The following ADAM12 variants were observed in gnomAD, a reference collection of about 807,000 sequenced individuals.
ADAM12 encodes disintegrin and metalloproteinase domain-containing protein 12.
ADAM12 carries 70 observed loss-of-function variants against 106.4 expected under a neutral mutation model. The ratio of observed to expected loss-of-function variants is 0.66; its 90% confidence interval spans 0.54 to 0.80. The LOEUF is 0.80. Ranked by LOEUF, ADAM12 falls within the 30% of genes least tolerant of loss-of-function variation. The pLI, the probability that ADAM12 is intolerant of heterozygous loss-of-function variation, is 0.00. For missense variants in ADAM12, 1,010 were observed against 1,171.9 expected (o/e 0.86, Z 2.02); for synonymous variants, 420 against 433.5 (o/e 0.97, Z 0.39).
intron 14 of ADAM12, among the ~76,000 whole-genome samples, chr10:126,060,775 A>AT (rs1954737738): frequency 2.0e-5 from 3 of 152,228 alleles, no homozygotes; most frequent in African/African-American, 7.2e-5. Context: ...TGAAGGATTC[A>AT]CATCCGCCCT....
chr10:126,344,840 A>G (rs900435059), intron 1 of ADAM12, among the ~76,000 whole-genome samples: 13 of 152,270 alleles, frequency 8.5e-5, no homozygotes, highest in East Asian at 3.9e-4. Flanking sequence ...TTATTGGTGT[A>G]TAAGAATGCT....
intron 3 of ADAM12, among the ~76,000 whole-genome samples, chr10:126,241,353 C>A (rs984024413): frequency 2.6e-5 from 4 of 152,142 alleles, no homozygotes; most frequent in African/African-American, 9.7e-5. Flanking sequence ...TGAAACTGTA[C>A]CCTTTAAAAT....
At chr10:126,222,827 T>C (rs1430488085) in intron 3 of ADAM12, among the ~76,000 whole-genome samples, 2 of 152,182 alleles carry the variant, frequency 1.3e-5, no homozygotes, top group Non-Finnish European at 2.9e-5. Context: ...TCTTCCTGGC[T>C]CCATATACTC....
At chr10:126,054,821 C>A (rs1255006993) in intron 14 of ADAM12, among the ~76,000 whole-genome samples, 2 of 152,064 alleles carry the variant, frequency 1.3e-5, no homozygotes, top group South Asian at 4.1e-4. Flanking sequence ...ATGAAGACCA[C>A]CTTGGACTGT....
intron 1 of ADAM12, among the ~76,000 whole-genome samples, chr10:126,367,375 G>A (rs1230595795): frequency 6.6e-6 from 1 of 151,700 alleles, no homozygotes; most frequent in East Asian, 1.9e-4. Flanking sequence ...TGACGATAAT[G>A]AAAAAATAAC....
chr10:126,170,464 G>A (rs576157520), intron 3 of ADAM12, among the ~76,000 whole-genome samples: 10 of 151,332 alleles, frequency 6.6e-5, no homozygotes, highest in Non-Finnish European at 8.8e-5. Flanking sequence ...GTCCCTGTGT[G>A]TGAACCCAGG....
intron 3 of ADAM12, among the ~76,000 whole-genome samples, chr10:126,271,506 C>A (rs1026132853): frequency 2.6e-5 from 4 of 152,220 alleles, no homozygotes; most frequent in African/African-American, 9.6e-5. Flanking sequence ...TGGTGGAGAG[C>A]AGTAGCTCAT....
At chr10:126,248,758 T>G (rs535037570) in intron 3 of ADAM12, among the ~76,000 whole-genome samples, 2 of 152,160 alleles carry the variant, frequency 1.3e-5, no homozygotes, top group East Asian at 3.9e-4. Flanking sequence ...CAGGCTGAAG[T>G]GCAGTGGTGC....
Position 126,064,819 on chromosome 10 carries a change from C to T in ADAM12, c.1596G>A (p.Thr532=), listed in dbSNP as rs2279091. 167,183 of 1,605,642 alleles carry T rather than the reference C, an allele frequency of 0.1. 9,027 individuals carry two copies. Among genetic ancestry groups the T allele is most frequent in the Middle Eastern group, 0.13 (772 of 5,736 alleles). ...ICQTHEQQCV[T]LWGPGAKPAP... is the part of the protein sequence containing the mutation. The stretch of plus-strand genomic sequence containing the variant: ...GCGGCCACGTACCTGGTCCCCAGAG[C>T]GTGACACACTGCTGCTCGTGAGTCT... Residue 532 remains threonine, a synonymous_variant, in exon 14 of 23, where the codon ACG becomes ACA. Transcript: ENST00000448723. This position sits in a 1 kb window ranked among gnomAD's most constrained non-coding sequence, Gnocchi z 4.4.
At chr10:126,065,845 C>T (rs966118443) in intron 13 of ADAM12, among the ~76,000 whole-genome samples, 2 of 152,186 alleles carry the variant, frequency 1.3e-5, no homozygotes, top group Non-Finnish European at 2.9e-5. Context: ...AGACTTGCTT[C>T]CCCCTTCCCC....
chr10:126,062,024 G>A (rs1954766757), intron 14 of ADAM12, among the ~76,000 whole-genome samples: 1 of 152,104 alleles, frequency 6.6e-6, no homozygotes, highest in Non-Finnish European at 1.5e-5. Context: ...TGGCATCAAG[G>A]GCCACAGTGG....
chr10:126,047,905 A>G (rs567230016), intron 16 of ADAM12, among the ~76,000 whole-genome samples: 112 of 152,358 alleles, frequency 7.4e-4, no homozygotes, highest in African/African-American at 2.5e-3. Flanking sequence ...ACGTCCATCA[A>G]TGATAGACTG....
chr10:126,369,242 C>G (rs1014166652), intron 1 of ADAM12, among the ~76,000 whole-genome samples: 1 of 152,096 alleles, frequency 6.6e-6, no homozygotes, highest in Non-Finnish European at 1.5e-5. Context: ...AAGCAGCACA[C>G]CAAGTGGGAC....
At chr10:126,170,986 G>A (rs1241149773) in intron 3 of ADAM12, among the ~76,000 whole-genome samples, 1 of 152,176 alleles carries the variant, frequency 6.6e-6, no homozygotes, top group Non-Finnish European at 1.5e-5. Context: ...GCCATTCATT[G>A]ATGGATTTCT....
Position 126,015,293 on chromosome 10 carries a change from G to A in ADAM12, c.*1986C>T, listed in dbSNP as rs1466284454. ...CTCAGTTCATATCCTCTTATAATTG[G>A]AGGAAGGGCTAACATGCCAGATCTA... On this transcript the variant is annotated 3_prime_UTR_variant, in exon 23 of 23. Transcript: ENST00000448723. 1 of 152,186 alleles carries A rather than the reference G, an allele frequency of 6.6e-6. No homozygotes were observed. Among genetic ancestry groups the A allele is most frequent in the African/African-American group, 2.4e-5 (1 of 41,442 alleles). The allele number at this position is 152,186 out of a possible 1,614,324, so 9.4% of individuals were successfully genotyped here.
At chr10:126,325,833 C>A (rs887312088) in intron 2 of ADAM12, among the ~76,000 whole-genome samples, 2 of 152,132 alleles carry the variant, frequency 1.3e-5, no homozygotes, top group Non-Finnish European at 2.9e-5. Context: ...AAGTTTCTAG[C>A]GTATTTTACA....
chr10:126,085,209 G>T (rs1484198042), intron 11 of ADAM12, among the ~76,000 whole-genome samples: 5 of 151,936 alleles, frequency 3.3e-5, no homozygotes, highest in Admixed American at 2.6e-4. Context: ...TATTTATCTG[G>T]GTTTTCTCTG....
At chr10:126,045,380 G>A (rs761516433) in intron 17 of ADAM12, among the ~76,000 whole-genome samples, 3 of 151,972 alleles carry the variant, frequency 2.0e-5, no homozygotes, top group Non-Finnish European at 2.9e-5. Flanking sequence ...CCATGCACCC[G>A]GTAATTCTGT....
chr10:126,251,154 C>A (rs955794627), intron 3 of ADAM12, among the ~76,000 whole-genome samples: 2 of 152,222 alleles, frequency 1.3e-5, no homozygotes, highest in African/African-American at 4.8e-5. Flanking sequence ...CCTTGGCAGA[C>A]CCTGCTGAGC....
Sources: allele counts gnomAD v4.1 joint callset (sites outside exome capture counted in the v4.1 genomes callset), GRCh38; gene constraint gnomAD v4.1.1; non-coding constraint Gnocchi (gnomAD v3.1); transcripts MANE v1.5; gene names NCBI Gene and HGNC (gene_info 2026-07-23, HGNC 2026-07-21).